Variants in SGCD observed in about 807,000 individuals in gnomAD.
SGCD encodes sarcoglycan delta.
A neutral mutation model predicts 36.6 loss-of-function variants in SGCD; 18 were observed. That is an observed-to-expected ratio of 0.49 (90% CI 0.34 to 0.73). SGCD has a LOEUF of 0.73. SGCD is among the 30% of genes least tolerant of loss of function. The pLI is 0.01. For synonymous variants in SGCD, 133 were observed against 130.6 expected, an observed-to-expected ratio of 1.02 and a Z score of -0.12; for missense variants, 387 against 346.7, an observed-to-expected ratio of 1.12 and a Z score of -0.92.
chr5:156,245,321 G>T (rs1250247157), intron 3 of SGCD, among the ~76,000 whole-genome samples: 5 of 152,230 alleles, frequency 3.3e-5, no homozygotes, highest in Non-Finnish European at 4.4e-5. Flanking sequence ...TTCGATAGTT[G>T]TTCAGGGAAA....
intron 1 of SGCD, among the ~76,000 whole-genome samples, chr5:155,905,748 A>C (rs1735310057): frequency 6.6e-6 from 1 of 152,016 alleles, no homozygotes; most frequent in Admixed American, 6.6e-5. Flanking sequence ...AATAAGTCTC[A>C]CGAGATCTGA....
chr5:156,375,693 G>A (rs780793679), intron 3 of SGCD, among the ~76,000 whole-genome samples: 12 of 152,148 alleles, frequency 7.9e-5, no homozygotes, highest in Non-Finnish European at 1.6e-4. Flanking sequence ...CCTTGAAGAT[G>A]TACAAGAGTG....
At chr5:155,745,111 T>G in the SGCD span, among the ~76,000 whole-genome samples, 1 of 152,158 alleles carries the variant, frequency 6.6e-6, no homozygotes, top group Non-Finnish European at 1.5e-5. Context: ...ATAACTGGCA[T>G]GCTGAAATTG....
chr5:156,015,223 T>G (rs565277657), intron 1 of SGCD, among the ~76,000 whole-genome samples: 2 of 152,204 alleles, frequency 1.3e-5, no homozygotes, highest in Non-Finnish European at 2.9e-5. Context: ...TTCTTTCTTA[T>G]TAATATATCC....
chr5:155,855,768 A>G, the SGCD span, among the ~76,000 whole-genome samples: 44 of 152,260 alleles, frequency 2.9e-4, no homozygotes, highest in African/African-American at 9.6e-4. Context: ...TGGAATCAAC[A>G]GTCTTCTTGA....
intron 1 of SGCD, among the ~76,000 whole-genome samples, chr5:156,091,028 T>C (rs1761228893): frequency 6.6e-6 from 1 of 152,176 alleles, no homozygotes; most frequent in Admixed American, 6.5e-5. Context: ...AACACACGTT[T>C]TGCAAACAAT....
chr5:156,278,830 T>C (rs1312306736), intron 3 of SGCD, among the ~76,000 whole-genome samples: 2 of 152,206 alleles, frequency 1.3e-5, no homozygotes, highest in Non-Finnish European at 2.9e-5. Flanking sequence ...ATGGTCTCTT[T>C]TGCATTTGGA....
intron 7 of SGCD, among the ~76,000 whole-genome samples, chr5:156,684,997 G>C (rs975063634): frequency 1.2e-4 from 19 of 152,118 alleles, no homozygotes; most frequent in African/African-American, 4.3e-4. Context: ...GGGTGAAAAA[G>C]ATATACTCGC....
intron 3 of SGCD, among the ~76,000 whole-genome samples, chr5:156,269,469 C>CAAAAAAAAA (rs60893052): frequency 1.3e-4 from 4 of 30,472 alleles, no homozygotes; most frequent in Non-Finnish European, 2.5e-4. Flanking sequence ...GACTCCGTCT[C>CAAAAAAAAA]AAAAAAAAAA....
chr5:156,446,181 G>T (rs747032843), intron 3 of SGCD, among the ~76,000 whole-genome samples: 4 of 152,112 alleles, frequency 2.6e-5, no homozygotes, highest in Non-Finnish European at 4.4e-5. Flanking sequence ...TTCCCTTGAA[G>T]CAAAATTAAT....
chr5:156,419,313 A>G (rs1224385899), intron 3 of SGCD, among the ~76,000 whole-genome samples: 2 of 152,138 alleles, frequency 1.3e-5, no homozygotes, highest in African/African-American at 4.8e-5. Context: ...ATTATCTCAG[A>G]TTATGTGTCT....
At chr5:156,500,591 T>C (rs866341389) in intron 3 of SGCD, among the ~76,000 whole-genome samples, 2 of 152,210 alleles carry the variant, frequency 1.3e-5, no homozygotes, top group African/African-American at 4.8e-5. Context: ...TTTTTTTCTG[T>C]TAATAGATTT....
chr5:155,791,703 G>C, the SGCD span, among the ~76,000 whole-genome samples: 1 of 152,022 alleles, frequency 6.6e-6, no homozygotes, highest in Non-Finnish European at 1.5e-5. Flanking sequence ...TCTAACCAAG[G>C]AGATAAGAGA....
chr5:156,314,787 G>A (rs1767471991), intron 3 of SGCD, among the ~76,000 whole-genome samples: 1 of 152,012 alleles, frequency 6.6e-6, no homozygotes, highest in South Asian at 2.1e-4. Context: ...TGGAAGAAGG[G>A]ACCTGTCAGC....
At chr5:156,618,974 A>C (rs543098365) in intron 6 of SGCD, among the ~76,000 whole-genome samples, 5 of 151,898 alleles carry the variant, frequency 3.3e-5, no homozygotes, top group Non-Finnish European at 7.4e-5. Context: ...TAGTTTGATT[A>C]AAGAGTTGAT....
chr5:156,059,041 T>C lies in SGCD; in HGVS notation c.-281-58837T>C, dbSNP rs987059823. 8.2e-5 allele frequency among the ~76,000 whole-genome samples: 12 copies of C among 146,178 alleles called. 2 individuals are homozygous for C. In the Admixed American group the frequency reaches 8.2e-4, roughly 10 times the overall value. On this transcript the variant is annotated intron_variant, in intron 1 of 9. Coordinates refer to the SGCD transcript ENST00000517913. The stretch of plus-strand genomic sequence containing the variant: ...CAAATTGTAACAGCAGTTATAGATT[T>C]TTATTTTCTTTTTTGTGCTTCCTCA...
At chr5:156,117,059 A>T (rs1296557025) in intron 1 of SGCD, among the ~76,000 whole-genome samples, 4 of 152,000 alleles carry the variant, frequency 2.6e-5, no homozygotes. Context: ...CTTTGTTCAA[A>T]CATCAGTCAG....
At chr5:156,393,085 C>G (rs937912994) in intron 3 of SGCD, among the ~76,000 whole-genome samples, 2 of 152,226 alleles carry the variant, frequency 1.3e-5, no homozygotes, top group African/African-American at 4.8e-5. Flanking sequence ...CTACCCAGCA[C>G]TTCCCTGCCC....
chr5:156,610,608 G>C (rs1367241612), intron 6 of SGCD, among the ~76,000 whole-genome samples: 1 of 152,224 alleles, frequency 6.6e-6, no homozygotes, highest in Non-Finnish European at 1.5e-5. Flanking sequence ...GGTTTCTGCT[G>C]CCTTTTATTT....
Sources: gnomAD v4.1 joint callset for allele counts (sites outside exome capture counted in the v4.1 genomes callset) on GRCh38, gnomAD v4.1.1 for gene constraint, MANE v1.5 for transcripts, NCBI Gene and HGNC (gene_info 2026-07-23, HGNC 2026-07-21) for gene names.